The following VWF variants were observed in gnomAD, a reference collection of about 807,000 sequenced individuals.
VWF encodes the protein von Willebrand factor.
A neutral mutation model predicts 308.6 loss-of-function variants in VWF; 176 were observed. The ratio of observed to expected loss-of-function variants is 0.57; its 90% CI spans 0.50 to 0.65. The LOEUF (loss-of-function observed/expected upper bound fraction) is 0.65. VWF is among the 30% of genes least tolerant of loss of function. The pLI, the probability that VWF is intolerant of heterozygous loss-of-function variation, is 0.00. For synonymous variants in VWF, 1,385 were observed against 1,443.4 expected (o/e 0.96, Z 0.92); for missense variants, 3,146 against 3,648.2 (o/e 0.86, Z 3.55).
intron 43 of VWF, among the ~76,000 whole-genome samples, chr12:5,975,518 A>G (rs1459919127): frequency 1.3e-5 from 2 of 152,148 alleles, no homozygotes; most frequent in African/African-American, 4.8e-5. Context: ...TGGATTTGGG[A>G]AACAGGGATC....
intron 5 of VWF, among the ~76,000 whole-genome samples, chr12:6,099,621 G>A (rs139431235): frequency 0.091 from 13,826 of 152,144 alleles, 1,263 homozygotes; most frequent in African/African-American, 0.24. Flanking sequence ...TGACAAACCT[G>A]AGAAAAATAA....
At chr12:6,014,018 T>C (rs1944026318) in intron 31 of VWF, among the ~76,000 whole-genome samples, 1 of 151,778 alleles carries the variant, frequency 6.6e-6, no homozygotes, top group Admixed American at 6.6e-5. Flanking sequence ...GAGGTGTGGG[T>C]TATCGTTGCA....
intron 37 of VWF, 74 bp from the exon 38 acceptor site, chr12:5,992,092 T>C: frequency 2.1e-6 from 3 of 1,427,772 alleles, no homozygotes; most frequent in Non-Finnish European, 2.9e-6. Flanking sequence ...TGATTCAACA[T>C]GGTTAATCAT....
chr12:6,037,025 A>G lies in VWF; in HGVS notation c.2443-534T>C, dbSNP rs190338714. Among the ~76,000 whole-genome samples the G allele has an allele frequency of 2.9e-3, 440 of 152,338 alleles. 5 individuals carry two copies. The highest frequency in any genetic ancestry group is 1.0e-2 in the African/African-American group (415 of 41,576). On this transcript the variant is annotated intron_variant, in intron 18 of 51. Transcript: ENST00000261405. ...GCCAGTATCCTATGGTGCTATTACA[A>G]TGGTCCTTTGGAAGAATCTTAAATG...
intron 3 of VWF, among the ~76,000 whole-genome samples, chr12:6,119,065 T>C (rs1331605998): frequency 6.6e-6 from 1 of 152,228 alleles, no homozygotes; most frequent in Non-Finnish European, 1.5e-5. Context: ...AGGACCATCT[T>C]GGCAAAGAAC....
Position 6,065,144 on chromosome 12 carries a change from G to T in VWF, c.1286C>A (p.Thr429Asn). 1 of 1,614,230 alleles carries T rather than the reference G, an allele frequency of 6.2e-7. No individual in the cohort carries two copies. The highest frequency in any genetic ancestry group is 8.5e-7 in the Non-Finnish European group (1 of 1,180,048). The change falls in exon 11 of 52, where the codon ACT (threonine) becomes AAT (asparagine). Residue 429 changes from threonine (T) to asparagine (N), a missense_variant. Around this residue, in one of 3 missense-constraint regions of VWF, gnomAD observed 1,304 missense variants for 1,353.0 expected, o/e 0.96. Coordinates refer to ENST00000261405, the MANE Select transcript of VWF (RefSeq NM_000552.5). ...QDHSFSIVIE[T>N]VQCADDRDAV... ...CGGGCTGGCAAAGCTCACCTGGACA[G>T]TCTCAATGACAATGGAGAAGGAGTG...
intron 15 of VWF, among the ~76,000 whole-genome samples, chr12:6,053,670 C>T (rs537330185): frequency 6.6e-6 from 1 of 152,340 alleles, no homozygotes; most frequent in African/African-American, 2.4e-5. Flanking sequence ...AGGTCCACCA[C>T]TAGCTGGCTG....
chr12:6,014,924 T>C (rs576179069), intron 31 of VWF, among the ~76,000 whole-genome samples: 1 of 152,344 alleles, frequency 6.6e-6, no homozygotes, highest in African/African-American at 2.4e-5. Flanking sequence ...ACTGCTTTCT[T>C]TCCCAGTGAA....
rs542834245 is a variant in VWF, at chr12:5,986,950, C to G, written c.6799-1285G>C. 5.9e-5 allele frequency among the ~76,000 whole-genome samples: 9 copies of G among 152,080 alleles called. No individual in the cohort carries two copies. The East Asian group carries it at 1.7e-3, about 29-fold the overall frequency. On this transcript the variant is annotated intron_variant, in intron 38 of 51. Transcript: ENST00000261405. ...GTTTGTTTGTTTGTTTGTTTTGAGA[C>G]AGAGTCGCACTCTCTCGCCTAGACT...
intron 6 of VWF, 144 bp downstream of exon 6, chr12:6,095,316 T>C: frequency 7.6e-7 from 1 of 1,323,326 alleles, no homozygotes. Flanking sequence ...AGAATTAGAC[T>C]CTAGCCACAG....
chr12:6,109,385 A>G (rs1350961280), intron 5 of VWF, among the ~76,000 whole-genome samples: 1 of 152,176 alleles, frequency 6.6e-6, no homozygotes, highest in Non-Finnish European at 1.5e-5. Flanking sequence ...TTAGAGGGAA[A>G]TTTATAGCCC....
intron 38 of VWF, among the ~76,000 whole-genome samples, chr12:5,988,117 CA>C (rs1351850914): frequency 6.6e-6 from 1 of 152,116 alleles, no homozygotes; most frequent in Non-Finnish European, 1.5e-5. Context: ...AAGACTTGGG[CA>C]AAGGGGAAAG....
chr12:6,003,131 G>A (rs1190877433), intron 34 of VWF, among the ~76,000 whole-genome samples: 1 of 152,242 alleles, frequency 6.6e-6, no homozygotes. Context: ...TGTATGAACC[G>A]AATGGAAATT....
chr12:6,057,797 T>G, intron 14 of VWF, 52 bp downstream of exon 14: 1 of 1,555,210 alleles, frequency 6.4e-7, no homozygotes, highest in Non-Finnish European at 8.7e-7. Context: ...TGCACTAATG[T>G]GGAGACCTCG....
chr12:5,970,604 C>T (rs531330146), intron 44 of VWF, among the ~76,000 whole-genome samples: 1 of 150,050 alleles, frequency 6.7e-6, no homozygotes, highest in South Asian at 2.1e-4. Context: ...GGGAAGAGAA[C>T]CCATAGGCAA....
Position 5,994,756 on chromosome 12 carries a change from T to C in VWF, c.6064-149A>G. ...ATATTTGTCGGCAGCTCTTCTAAGA[T>C]AAAGAAGAGCTTGACTAGAAAACAG... On this transcript the variant is annotated intron_variant, in intron 35 of 51. Transcript: ENST00000261405. 6.8e-6 allele frequency: 5 copies of C among 737,894 alleles called. No individual in the cohort carries two copies. In the Admixed American group the frequency reaches 1.1e-4, roughly 16 times the overall value. The allele number at this position is 737,894 out of a possible 1,614,324, so 45.7% of individuals were successfully genotyped here.
In VWF at chr12:6,062,993, C is replaced by G; in HGVS notation, c.1494G>C (p.Leu498=). ...ASVRLSYGED[L]QMDWDGRGRL... ...TCCCGCGGCCATCCCAGTCCATCTG[C>G]AGGTCCTCCCCGTAGCTGAGGCGCA... Residue 498 remains leucine (L), a synonymous_variant, in exon 13 of 52, where the codon CTG becomes CTC. Transcript: ENST00000261405. 6.2e-7 allele frequency: 1 copy of G among 1,613,504 alleles called. No homozygotes were observed. The highest frequency in any genetic ancestry group is 8.5e-7 in the Non-Finnish European group (1 of 1,180,022).
chr12:5,981,219 A>G (rs1943601259), intron 42 of VWF, among the ~76,000 whole-genome samples: 1 of 152,108 alleles, frequency 6.6e-6, no homozygotes, highest in East Asian at 1.9e-4. Context: ...ACAGCAATAA[A>G]TAAATGAGTA....
intron 6 of VWF, among the ~76,000 whole-genome samples, chr12:6,088,441 T>G (rs1462053215): frequency 6.7e-6 from 1 of 148,184 alleles, no homozygotes; most frequent in Non-Finnish European, 1.5e-5. Context: ...ATCGCACTAC[T>G]GCACTCCAGC....
Sources: gnomAD v4.1 joint callset for allele counts (sites outside exome capture counted in the v4.1 genomes callset) on GRCh38, gnomAD v4.1.1 for gene constraint, gnomAD v4.1.1 regional missense constraint, MANE v1.5 for transcripts, NCBI Gene and HGNC (gene_info 2026-07-23, HGNC 2026-07-21) for gene names.